Variants in TMEM108 observed in about 807,000 individuals in gnomAD.
TMEM108 encodes the protein transmembrane protein 108.
TMEM108 carries 12 observed loss-of-function variants against 35.1 expected under a neutral mutation model. The observed-to-expected ratio is 0.34, with a 90% confidence interval of 0.22 to 0.55. The LOEUF (loss-of-function observed/expected upper bound fraction) is 0.55, where lower values mean the gene tolerates loss of function less well. Ranked by LOEUF, TMEM108 falls within the 20% of genes least tolerant of loss-of-function variation. The pLI, the probability that TMEM108 is intolerant of heterozygous loss-of-function variation, is 0.89. For synonymous variants in TMEM108, 287 were observed against 308.6 expected, an observed-to-expected ratio of 0.93 and a Z score of 0.73; for missense variants, 680 against 753.3, an observed-to-expected ratio of 0.90 and a Z score of 1.14.
At chr3:133,062,151 A>G (rs1019914704) in intron 2 of TMEM108, among the ~76,000 whole-genome samples, 2 of 152,228 alleles carry the variant, frequency 1.3e-5, no homozygotes, top group African/African-American at 4.8e-5. Flanking sequence ...AAGTAAAATC[A>G]ATGCTTAGTC....
chr3:133,056,774 G>A (rs777407099), intron 2 of TMEM108, among the ~76,000 whole-genome samples: 5 of 152,126 alleles, frequency 3.3e-5, no homozygotes, highest in Non-Finnish European at 5.9e-5. Flanking sequence ...AGAATGTCCT[G>A]GTATATCTGC....
At chr3:133,387,039 T>C in intron 4 of TMEM108, 1 of 985,730 alleles carries the variant, frequency 1.0e-6, no homozygotes, top group Non-Finnish European at 1.2e-6. Flanking sequence ...CTTTCTTGGA[T>C]GAAAGGTGAG....
intron 3 of TMEM108, among the ~76,000 whole-genome samples, chr3:133,373,890 C>A (rs2072753987): frequency 6.6e-6 from 1 of 152,346 alleles, no homozygotes; most frequent in Admixed American, 6.5e-5. Flanking sequence ...AGCTAGGCAG[C>A]TCTCATCTGG....
At chr3:133,119,416 G>A (rs1302920200) in intron 2 of TMEM108, 2 of 152,116 alleles carry the variant, frequency 1.3e-5, no homozygotes, top group African/African-American at 2.4e-5. Flanking sequence ...AGATGTAGTT[G>A]GCTGCAGTCA....
At chr3:133,087,538 T>C (rs560841884) in intron 2 of TMEM108, among the ~76,000 whole-genome samples, 2 of 152,194 alleles carry the variant, frequency 1.3e-5, no homozygotes, top group Non-Finnish European at 2.9e-5. Flanking sequence ...CCTTAAAAAA[T>C]GTCATGAAAC....
intron 3 of TMEM108, among the ~76,000 whole-genome samples, chr3:133,310,609 A>G (rs1002172658): frequency 1.7e-5 from 2 of 117,454 alleles, no homozygotes; most frequent in African/African-American, 6.7e-5. Flanking sequence ...TTTTGAGCCT[A>G]TGTGTGTCTC....
chr3:133,323,613 C>G (rs547758219), intron 3 of TMEM108, among the ~76,000 whole-genome samples: 9 of 152,128 alleles, frequency 5.9e-5, no homozygotes, highest in Non-Finnish European at 1.3e-4. Flanking sequence ...AAGCAATCTA[C>G]AGATTCAGTG....
chr3:133,099,379 C>T (rs1329646584), intron 2 of TMEM108, among the ~76,000 whole-genome samples: 2 of 152,126 alleles, frequency 1.3e-5, no homozygotes, highest in African/African-American at 2.4e-5. Context: ...GAGGGGCTGC[C>T]GTGAAGGTCT....
At chr3:133,173,516 T>C (rs1192490890) in intron 2 of TMEM108, among the ~76,000 whole-genome samples, 3 of 152,234 alleles carry the variant, frequency 2.0e-5, no homozygotes, top group Admixed American at 6.5e-5. Flanking sequence ...ATTAAATTTC[T>C]TCTTCAACTT....
chr3:133,288,848 G>C (rs934650064), intron 3 of TMEM108, among the ~76,000 whole-genome samples: 2 of 152,082 alleles, frequency 1.3e-5, no homozygotes, highest in Non-Finnish European at 2.9e-5. Flanking sequence ...CAATTTTCCT[G>C]TCTCAGCCTC....
At chr3:133,127,486 T>C (rs1049702521) in intron 2 of TMEM108, among the ~76,000 whole-genome samples, 10 of 152,198 alleles carry the variant, frequency 6.6e-5, no homozygotes, top group Non-Finnish European at 1.5e-4. Context: ...GAGTTGATGT[T>C]CTTAAAAGGA....
At chr3:133,087,619 A>G (rs1297921798) in intron 2 of TMEM108, among the ~76,000 whole-genome samples, 3 of 152,250 alleles carry the variant, frequency 2.0e-5, no homozygotes, top group East Asian at 1.9e-4. Flanking sequence ...TGACATTAAG[A>G]TTGGTTATGC....
intron 2 of TMEM108, among the ~76,000 whole-genome samples, chr3:133,062,726 G>A (rs943787589): frequency 2.0e-5 from 3 of 152,218 alleles, no homozygotes; most frequent in African/African-American, 7.2e-5. Flanking sequence ...GAAGGAGAAG[G>A]TTTGGAGACA....
chr3:133,066,255 A>G (rs1047518633), intron 2 of TMEM108, among the ~76,000 whole-genome samples: 8 of 151,950 alleles, frequency 5.3e-5, no homozygotes, highest in Non-Finnish European at 1.0e-4. Flanking sequence ...GAGCCTCTTT[A>G]GTGTTGTGTG....
intron 2 of TMEM108, among the ~76,000 whole-genome samples, chr3:133,094,731 A>G (rs1195858816): frequency 2.0e-5 from 3 of 152,190 alleles, no homozygotes; most frequent in Non-Finnish European, 1.5e-5. Flanking sequence ...TTCAACACGC[A>G]GGTTAAATGG....
In TMEM108 at chr3:133,095,222, A is replaced by T. The variant is rs1943998080; in HGVS notation, c.-47+49202A>T. On this transcript the variant is annotated intron_variant, in intron 2 of 5. Transcript: ENST00000321871. ...AGTTCACATAATGGAGTATAAGAGG[A>T]TTATGAGATGTGTGGATGTAGTCAG... 3.3e-5 allele frequency among the ~76,000 whole-genome samples: 5 copies of T among 152,198 alleles called. No individual in the cohort carries two copies. The South Asian group carries it at 1.0e-3, about 32-fold the overall frequency.
intron 2 of TMEM108, among the ~76,000 whole-genome samples, chr3:133,177,818 T>G (rs1423501423): frequency 6.6e-6 from 1 of 152,044 alleles, no homozygotes; most frequent in Non-Finnish European, 1.5e-5. Flanking sequence ...GCCAGGGCAA[T>G]TAGGCAGGAG....
chr3:133,085,560 A>C (rs949161179), intron 2 of TMEM108, among the ~76,000 whole-genome samples: 7 of 152,140 alleles, frequency 4.6e-5, no homozygotes, highest in African/African-American at 1.7e-4. Flanking sequence ...TCATCTATTC[A>C]GTATGTTACA....
intron 2 of TMEM108, among the ~76,000 whole-genome samples, chr3:133,188,334 C>G (rs545822141): frequency 6.6e-6 from 1 of 151,816 alleles, no homozygotes; most frequent in Non-Finnish European, 1.5e-5. Context: ...GGCCCTTTCT[C>G]CTTCTTTTGT....
Sources: gnomAD v4.1 joint callset for allele counts (sites outside exome capture counted in the v4.1 genomes callset) on GRCh38, gnomAD v4.1.1 for gene constraint, MANE v1.5 for transcripts, NCBI Gene and HGNC (gene_info 2026-07-23, HGNC 2026-07-21) for gene names.